The following SLC38A12 variants were observed in gnomAD, a reference collection of about 807,000 sequenced individuals.
SLC38A12 encodes solute carrier family 38 member 12, also known as putative sodium-coupled neutral amino acid transporter 12.
the SLC38A12 span, among the ~76,000 whole-genome samples, chr17:74,816,139 C>G: frequency 3.3e-5 from 5 of 152,216 alleles, no homozygotes; most frequent in Non-Finnish European, 7.3e-5. Flanking sequence ...TCTAGAGAAA[C>G]GGCTCCTCCC....
the SLC38A12 span, chr17:74,777,225 A>G: frequency 1.3e-5 from 17 of 1,315,148 alleles, no homozygotes; most frequent in South Asian, 2.0e-4. Context: ...CCCCTGTCTC[A>G]GTCCATCAGA....
At chr17:74,790,509 C>T in the SLC38A12 span, among the ~76,000 whole-genome samples, 1 of 152,336 alleles carries the variant, frequency 6.6e-6, no homozygotes, top group Non-Finnish European at 1.5e-5. Context: ...CTCAGATTTG[C>T]AGCTTGGTAA....
chr17:74,790,176 C>G, the SLC38A12 span: 1 of 1,595,320 alleles, frequency 6.3e-7, no homozygotes, highest in Non-Finnish European at 8.6e-7. Context: ...CTCCCTCCTC[C>G]TCGTCCATCC....
the SLC38A12 span, among the ~76,000 whole-genome samples, chr17:74,781,192 A>G: frequency 7.1e-4 from 108 of 152,366 alleles, no homozygotes; most frequent in African/African-American, 2.5e-3. Context: ...CTGATCCACA[A>G]GAGACCTTTG....
At chr17:74,788,029 T>G in the SLC38A12 span, among the ~76,000 whole-genome samples, 6,570 of 152,054 alleles carry the variant, frequency 0.043, 169 homozygotes, top group Middle Eastern at 0.058. Context: ...CTCCTGACCT[T>G]GTGATCCACC....
the SLC38A12 span, among the ~76,000 whole-genome samples, chr17:74,789,581 C>T: frequency 2.0e-5 from 3 of 150,330 alleles, no homozygotes; most frequent in African/African-American, 4.9e-5. Flanking sequence ...CACAGTGGCT[C>T]ATGCCTGCAA....
At chr17:74,787,136 A>T in the SLC38A12 span, among the ~76,000 whole-genome samples, 1 of 152,148 alleles carries the variant, frequency 6.6e-6, no homozygotes, top group African/African-American at 2.4e-5. Context: ...TGCTGAGGCG[A>T]TTGGAATGGG....
At chr17:74,836,166 A>C in the SLC38A12 span, 1 of 1,610,634 alleles carries the variant, frequency 6.2e-7, no homozygotes, top group Non-Finnish European at 8.5e-7. The surrounding 1 kb of genome is among the most constrained non-coding windows in gnomAD (Gnocchi z 4.2). Flanking sequence ...CCTCTCCTTC[A>C]CCGCCATCTT....
chr17:74,821,990 G>A, the SLC38A12 span, among the ~76,000 whole-genome samples: 1 of 152,240 alleles, frequency 6.6e-6, no homozygotes, highest in South Asian at 2.1e-4. Context: ...CCGGCATGGG[G>A]ATGACACCCA....
At chr17:74,799,829 C>G in the SLC38A12 span, among the ~76,000 whole-genome samples, 1 of 152,208 alleles carries the variant, frequency 6.6e-6, no homozygotes. Flanking sequence ...TGCTTTCCTC[C>G]TAAAATAGTA....
At chr17:74,796,878 T>A in the SLC38A12 span, among the ~76,000 whole-genome samples, 1 of 152,226 alleles carries the variant, frequency 6.6e-6, no homozygotes, top group African/African-American at 2.4e-5. Context: ...CTCATTAGCC[T>A]CTTAGCTCTC....
the SLC38A12 span, among the ~76,000 whole-genome samples, chr17:74,799,570 C>A: frequency 6.6e-6 from 1 of 152,170 alleles, no homozygotes; most frequent in African/African-American, 2.4e-5. Context: ...CCGGACACCC[C>A]CTTGAAGAAG....
chr17:74,828,476 C>G, the SLC38A12 span, among the ~76,000 whole-genome samples: 2 of 152,172 alleles, frequency 1.3e-5, no homozygotes, highest in Non-Finnish European at 1.5e-5. Context: ...TCCTCATACT[C>G]CTCATCCCTT....
At chr17:74,839,224 G>A in the SLC38A12 span, 13 of 1,445,374 alleles carry the variant, frequency 9.0e-6, no homozygotes, top group African/African-American at 1.4e-5. Context: ...GGGTGGTGGA[G>A]GTGGGCAGTG....
chr17:74,787,051 G>A, the SLC38A12 span, among the ~76,000 whole-genome samples: 28 of 152,232 alleles, frequency 1.8e-4, no homozygotes, highest in African/African-American at 5.8e-4. Context: ...TTAATTTCAC[G>A]TCCAAAAAGA....
the SLC38A12 span, among the ~76,000 whole-genome samples, chr17:74,820,928 T>A: frequency 3.3e-3 from 499 of 152,310 alleles, 3 homozygotes; most frequent in African/African-American, 0.011. Flanking sequence ...GGTTCCCCAG[T>A]CTCAGGATTA....
At chr17:74,835,913 C>G in the SLC38A12 span, 1 of 1,589,142 alleles carries the variant, frequency 6.3e-7, no homozygotes, top group Non-Finnish European at 8.6e-7. Flanking sequence ...TGACTCCTCT[C>G]TCTCGTTTCC....
At chr17:74,801,480 G>A in the SLC38A12 span, among the ~76,000 whole-genome samples, 4 of 151,508 alleles carry the variant, frequency 2.6e-5, no homozygotes, top group Non-Finnish European at 5.9e-5. Context: ...CCTTTGAGGT[G>A]TCTTCAGCCA....
the SLC38A12 span, chr17:74,795,708 C>G: frequency 8.7e-7 from 1 of 1,149,294 alleles, no homozygotes; most frequent in Non-Finnish European, 1.3e-6. Flanking sequence ...GCCTTTACTT[C>G]CAGGTAGAAT....
Sources: allele counts gnomAD v4.1 joint callset (sites outside exome capture counted in the v4.1 genomes callset), GRCh38; gene constraint gnomAD v4.1.1; non-coding constraint Gnocchi (gnomAD v3.1); transcripts MANE v1.5; gene names NCBI Gene and HGNC (gene_info 2026-07-23, HGNC 2026-07-21).